Variants in GPM6A observed in about 807,000 individuals in gnomAD.
The protein encoded by GPM6A is neuronal membrane glycoprotein M6-a.
A neutral mutation model predicts 32.1 loss-of-function variants in GPM6A; 7 were observed. The observed-to-expected ratio is 0.22, with a 90% CI of 0.12 to 0.41. GPM6A has a LOEUF of 0.41. Ranked by LOEUF, GPM6A falls within the 10% of genes least tolerant of loss-of-function variation. The pLI, the probability that GPM6A is intolerant of heterozygous loss-of-function variation, is 1.00. For missense variants in GPM6A, 235 were observed against 347.2 expected, an observed-to-expected ratio of 0.68 and a Z score of 2.57; for synonymous variants, 130 against 123.4, an observed-to-expected ratio of 1.05 and a Z score of -0.35.
chr4:175,676,908 TC>T (rs1185787010), intron 2 of GPM6A, among the ~76,000 whole-genome samples: 1 of 152,216 alleles, frequency 6.6e-6, no homozygotes, highest in Admixed American at 6.5e-5. Flanking sequence ...ATTTGAATCC[TC>T]CAGATCTATT....
At chr4:175,994,796 C>T (rs1008605901) in intron 1 of GPM6A, among the ~76,000 whole-genome samples, 13 of 152,190 alleles carry the variant, frequency 8.5e-5, no homozygotes, top group Admixed American at 6.6e-4. Context: ...TTCTCTGTAG[C>T]ATGTGATGCT....
chr4:175,696,967 G>A (rs761901179), intron 2 of GPM6A, among the ~76,000 whole-genome samples: 4 of 152,008 alleles, frequency 2.6e-5, no homozygotes, highest in Admixed American at 6.6e-5. Flanking sequence ...AGGTAAATAG[G>A]AACTATTTTA....
At chr4:175,815,572 T>G (rs1387066530), upstream of GPM6A, among the ~76,000 whole-genome samples, 1 of 152,128 alleles carries the variant, frequency 6.6e-6, no homozygotes, top group Non-Finnish European at 1.5e-5. Context: ...CCCATTCTAC[T>G]CTTAGTCATT....
intron 6 of GPM6A, among the ~76,000 whole-genome samples, chr4:175,637,068 A>G (rs1359239966): frequency 1.0e-4 from 7 of 66,998 alleles, no homozygotes; most frequent in Admixed American, 2.4e-4. Context: ...TATTTGTAAT[A>G]TAAAAATATA....
chr4:175,901,732 T>G (rs1737975671), intron 1 of GPM6A, among the ~76,000 whole-genome samples: 1 of 149,208 alleles, frequency 6.7e-6, no homozygotes, highest in South Asian at 2.1e-4. Context: ...GTTCAAGCAA[T>G]TCTCCTATCT....
intron 3 of GPM6A, among the ~76,000 whole-genome samples, chr4:175,665,109 A>G (rs2110958117): frequency 6.6e-6 from 1 of 152,210 alleles, no homozygotes; most frequent in East Asian, 1.9e-4. Context: ...TGATGAACAC[A>G]TTAGGGGGTG....
chr4:175,638,435 A>C (rs1367850741), intron 6 of GPM6A, among the ~76,000 whole-genome samples: 1 of 152,066 alleles, frequency 6.6e-6, no homozygotes, highest in African/African-American at 2.4e-5. Flanking sequence ...TTAGTACTTG[A>C]AAAAATAATC....
At chr4:175,832,424 G>A (rs1487429794) in intron 1 of GPM6A, among the ~76,000 whole-genome samples, 2 of 152,082 alleles carry the variant, frequency 1.3e-5, no homozygotes, top group Non-Finnish European at 2.9e-5. Context: ...TTTCTTTTAA[G>A]ACAATATGTT....
At chr4:175,742,727 T>C (rs753019978) in intron 1 of GPM6A, among the ~76,000 whole-genome samples, 4 of 152,104 alleles carry the variant, frequency 2.6e-5, no homozygotes, top group Non-Finnish European at 4.4e-5. Flanking sequence ...AGAGCAGAAG[T>C]GATTTCGAAG....
At chr4:175,933,699 T>C (rs535578128) in intron 1 of GPM6A, among the ~76,000 whole-genome samples, 27 of 152,244 alleles carry the variant, frequency 1.8e-4, no homozygotes, top group East Asian at 5.8e-4. Flanking sequence ...CCCGCCACCA[T>C]GCCCGGCTAA....
chr4:176,001,231 C>G (rs1389773004), intron 1 of GPM6A, among the ~76,000 whole-genome samples: 1 of 152,216 alleles, frequency 6.6e-6, no homozygotes, highest in Non-Finnish European at 1.5e-5. Flanking sequence ...GGAGAAATCC[C>G]TCACAACAAA....
Position 175,779,738 on chromosome 4 carries a change from T to C in GPM6A, c.37+32453A>G, listed in dbSNP as rs1478822903. 2.6e-5 allele frequency among the ~76,000 whole-genome samples: 4 copies of C among 152,212 alleles called. No homozygotes were observed. The East Asian group carries it at 7.7e-4, about 29-fold the overall frequency. On this transcript the variant is annotated intron_variant, in intron 1 of 6. Transcript: ENST00000393658. ...CATATCTGCACTTAGTTTTTCCCTTTGGCAACAGATACACCCACCTGTTGG... is the reference window on the plus strand; with the variant it reads ...CATATCTGCACTTAGTTTTTCCCTTCGGCAACAGATACACCCACCTGTTGG...
intron 1 of GPM6A, among the ~76,000 whole-genome samples, chr4:175,753,208 A>G (rs1254234976): frequency 2.6e-5 from 4 of 152,136 alleles, no homozygotes; most frequent in African/African-American, 9.7e-5. Flanking sequence ...AAAGAGTTTA[A>G]TTTTACCATG....
At chr4:175,683,228 C>T (rs946413571) in intron 2 of GPM6A, among the ~76,000 whole-genome samples, 6 of 152,178 alleles carry the variant, frequency 3.9e-5, no homozygotes, top group Non-Finnish European at 8.8e-5. Context: ...TTTGAACTTG[C>T]ATGGGGCCTA....
intron 1 of GPM6A, among the ~76,000 whole-genome samples, chr4:175,811,136 T>C (rs1415340772): frequency 6.6e-6 from 1 of 152,090 alleles, no homozygotes; most frequent in East Asian, 1.9e-4. Context: ...CATAGCTAAA[T>C]GGCTAAAAAT....
intron 1 of GPM6A, among the ~76,000 whole-genome samples, chr4:175,828,483 A>C (rs149276683): frequency 6.6e-6 from 1 of 152,230 alleles, no homozygotes; most frequent in Non-Finnish European, 1.5e-5. Context: ...TTTGAAGACA[A>C]TTGTTATTCT....
chr4:175,897,984 T>C (rs2111486205), intron 1 of GPM6A, among the ~76,000 whole-genome samples: 1 of 152,312 alleles, frequency 6.6e-6, no homozygotes, highest in South Asian at 2.1e-4. Flanking sequence ...CTCTTCTCAA[T>C]TTCAAATTGT....
At chr4:175,816,849 T>C (rs1006194617), upstream of GPM6A, among the ~76,000 whole-genome samples, 3 of 135,172 alleles carry the variant, frequency 2.2e-5, no homozygotes, top group Non-Finnish European at 3.1e-5. Context: ...TAACATTTTC[T>C]TTTCTTTTTT....
intron 1 of GPM6A, among the ~76,000 whole-genome samples, chr4:175,916,523 C>T (rs1738498892): frequency 6.6e-6 from 1 of 152,114 alleles, no homozygotes; most frequent in Admixed American, 6.5e-5. Context: ...TTAAAAAATG[C>T]TAACTGTAGA....
Sources: gnomAD v4.1 joint callset for allele counts (sites outside exome capture counted in the v4.1 genomes callset) on GRCh38, gnomAD v4.1.1 for gene constraint, MANE v1.5 for transcripts, NCBI Gene and HGNC (gene_info 2026-07-23, HGNC 2026-07-21) for gene names.